The following EYS variants were observed in gnomAD, a reference collection of about 807,000 sequenced individuals.
The protein encoded by EYS is EGF-like photoreceptor maintenance factor, also known as protein eyes shut homolog.
A neutral mutation model predicts 282.1 loss-of-function variants in EYS; 250 were observed. That is an observed-to-expected ratio of 0.89 (90% CI 0.80 to 0.98). EYS has a LOEUF of 0.98. Ranked by LOEUF, EYS falls within the 50% of genes least tolerant of loss-of-function variation. EYS has a pLI of 0.00. For synonymous variants in EYS, 1,355 were observed against 1,282.9 expected (o/e 1.06, Z -1.20); for missense variants, 4,016 against 3,709.0 (o/e 1.08, Z -2.15).
intron 26 of EYS, among the ~76,000 whole-genome samples, chr6:64,546,161 TA>T (rs1208717537): frequency 1.3e-5 from 2 of 152,166 alleles, no homozygotes; most frequent in African/African-American, 4.8e-5. Context: ...ATGGTACTGG[TA>T]CCAAAACAGA....
At chr6:64,175,695 T>G (rs900882660) in intron 31 of EYS, among the ~76,000 whole-genome samples, 23 of 152,116 alleles carry the variant, frequency 1.5e-4, no homozygotes, top group Non-Finnish European at 2.9e-4. Flanking sequence ...CAGCACAGGA[T>G]GGGCATGAGG....
At chr6:63,978,927 G>T (rs1391662126) in intron 35 of EYS, among the ~76,000 whole-genome samples, 1 of 151,830 alleles carries the variant, frequency 6.6e-6, no homozygotes, top group Non-Finnish European at 1.5e-5. Context: ...TGAAAGTAAA[G>T]AATAAAGGAA....
At chr6:65,524,037 A>G (rs1767468564) in intron 2 of EYS, among the ~76,000 whole-genome samples, 1 of 152,198 alleles carries the variant, frequency 6.6e-6, no homozygotes, top group East Asian at 1.9e-4. Flanking sequence ...ACGCCCTGCT[A>G]ATTTTTGTAT....
intron 22 of EYS, among the ~76,000 whole-genome samples, chr6:64,673,448 T>C (rs1366321173): frequency 6.6e-6 from 1 of 152,130 alleles, no homozygotes; most frequent in Non-Finnish European, 1.5e-5. Context: ...TCTTTGCCCT[T>C]AATAAAATAT....
At position 65,496,735 on chromosome 6, in the gene EYS, G is replaced by A. The variant is rs138538210; in HGVS notation, c.-332-742C>T. ...TTGTACAATTTCATCCAGCAGGTAA[G>A]TGGTATATGTTGGATTAAAATTCAG... On this transcript the variant is annotated intron_variant, in intron 2 of 42. Coordinates refer to ENST00000503581, the MANE Select transcript of EYS (RefSeq NM_001142800.2). Among the ~76,000 whole-genome samples, 89 of 152,210 alleles carry A rather than the reference G, an allele frequency of 5.8e-4. 1 individual carries two copies. The highest frequency in any genetic ancestry group is 3.4e-3 in the Middle Eastern group (1 of 294).
At chr6:64,789,227 A>T (rs1012713380) in intron 22 of EYS, among the ~76,000 whole-genome samples, 1 of 152,118 alleles carries the variant, frequency 6.6e-6, no homozygotes, top group African/African-American at 2.4e-5. Flanking sequence ...ATTTTTAACA[A>T]TTTTTCTAAT....
chr6:65,541,585 T>A (rs1246088828), intron 2 of EYS, among the ~76,000 whole-genome samples: 1 of 152,140 alleles, frequency 6.6e-6, no homozygotes, highest in Non-Finnish European at 1.5e-5. Flanking sequence ...GAATTTTAAA[T>A]ATTAACTTTC....
chr6:65,194,808 T>C (rs1327116204), intron 12 of EYS, among the ~76,000 whole-genome samples: 8 of 151,134 alleles, frequency 5.3e-5, no homozygotes. Context: ...GTTTCGGTTG[T>C]TGTTACAGTT....
chr6:65,046,250 C>A (rs1773095751), intron 13 of EYS, among the ~76,000 whole-genome samples: 1 of 151,826 alleles, frequency 6.6e-6, no homozygotes, highest in Non-Finnish European at 1.5e-5. Flanking sequence ...GTGAACTGGA[C>A]TTCAATAGTG....
intron 22 of EYS, among the ~76,000 whole-genome samples, chr6:64,631,003 CA>C (rs1331837697): frequency 6.6e-6 from 1 of 152,094 alleles, no homozygotes; most frequent in Non-Finnish European, 1.5e-5. Context: ...ATTACTTACC[CA>C]ACTTGTTTAT....
At position 63,953,960 on chromosome 6, in the gene EYS, T is replaced by C. The variant is rs185986273; in HGVS notation, c.7055+30423A>G. Among the ~76,000 whole-genome samples the C allele has an allele frequency of 1.7e-3, 256 of 152,296 alleles. 2 individuals are homozygous for C. The East Asian group carries it at 0.041, about 25-fold the overall frequency. On this transcript the variant is annotated intron_variant, in intron 35 of 42. Coordinates refer to ENST00000503581, the MANE Select transcript of EYS (RefSeq NM_001142800.2). ...CTCAAAATCACAAACTATGCTCAAC[T>C]GACTCTCTACAGTTTTCATAACTTC...
intron 2 of EYS, among the ~76,000 whole-genome samples, chr6:65,508,681 G>T (rs1411707397): frequency 7.3e-6 from 1 of 137,204 alleles, no homozygotes; most frequent in Non-Finnish European, 1.6e-5. Context: ...AAAAAAAAAA[G>T]AAAGAAATGT....
chr6:65,532,834 T>G (rs1362218973), intron 2 of EYS, among the ~76,000 whole-genome samples: 1 of 152,104 alleles, frequency 6.6e-6, no homozygotes, highest in Non-Finnish European at 1.5e-5. Context: ...AAGGGTATAA[T>G]CTCTACTTCT....
At chr6:65,673,063 G>A (rs1467163024) in intron 1 of EYS, among the ~76,000 whole-genome samples, 1 of 152,136 alleles carries the variant, frequency 6.6e-6, no homozygotes, top group East Asian at 1.9e-4. Context: ...CACTTCTTTT[G>A]TGATTCTTCA....
intron 31 of EYS, among the ~76,000 whole-genome samples, chr6:64,194,056 T>C (rs1405635737): frequency 1.3e-5 from 2 of 152,054 alleles, no homozygotes; most frequent in Admixed American, 6.6e-5. Context: ...GTATTTTTAG[T>C]AGAGACGGGG....
At chr6:64,255,549 T>A (rs1207690349) in intron 30 of EYS, among the ~76,000 whole-genome samples, 1 of 152,096 alleles carries the variant, frequency 6.6e-6, no homozygotes, top group Non-Finnish European at 1.5e-5. Context: ...TTCAAGACAT[T>A]TTGATTTGTT....
At chr6:64,696,118 C>A (rs1770571143) in intron 22 of EYS, among the ~76,000 whole-genome samples, 3 of 152,072 alleles carry the variant, frequency 2.0e-5, no homozygotes, top group Admixed American at 2.0e-4. Flanking sequence ...ATCAGAAAAT[C>A]AATTCAGGAT....
At chr6:64,387,999 G>A (rs1772969678) in intron 29 of EYS, among the ~76,000 whole-genome samples, 1 of 151,954 alleles carries the variant, frequency 6.6e-6, no homozygotes, top group African/African-American at 2.4e-5. Flanking sequence ...AAAATAGTAT[G>A]TTCAAACAGG....
intron 26 of EYS, among the ~76,000 whole-genome samples, chr6:64,559,236 CTT>C (rs1416409366): frequency 6.7e-6 from 1 of 148,664 alleles, no homozygotes; most frequent in Admixed American, 6.8e-5. Flanking sequence ...TTAACATTTT[CTT>C]TTCTTTCCTT....
Sources: allele counts gnomAD v4.1 joint callset (sites outside exome capture counted in the v4.1 genomes callset), GRCh38; gene constraint gnomAD v4.1.1; transcripts MANE v1.5; gene names NCBI Gene and HGNC (gene_info 2026-07-23, HGNC 2026-07-21).